WASL: variants seen among roughly 807,000 people sequenced by gnomAD.
WASL encodes actin nucleation-promoting factor WASL.
In WASL, 20 loss-of-function variants were observed where a neutral mutation model predicts 55.5. The observed-to-expected ratio is 0.36, with a 90% CI of 0.25 to 0.52. The LOEUF (loss-of-function observed/expected upper bound fraction) is 0.52, where lower values mean the gene tolerates loss of function less well. WASL is among the 20% of genes least tolerant of loss of function. The pLI is 0.92. For synonymous variants in WASL, 249 were observed against 217.6 expected, an observed-to-expected ratio of 1.14 and a Z score of -1.27; for missense variants, 504 against 622.5, an observed-to-expected ratio of 0.81 and a Z score of 2.03.
chr7:123,695,785 A>G (rs1236670202), intron 7 of WASL, 38 bp downstream of exon 7: 6 of 1,594,004 alleles, frequency 3.8e-6, no homozygotes, highest in Non-Finnish European at 5.1e-6. Flanking sequence ...ACATTTCCAC[A>G]TACAGTTATA....
intron 5 of WASL, among the ~76,000 whole-genome samples, chr7:123,702,198 G>A (rs1170033945): frequency 6.6e-6 from 1 of 152,002 alleles, no homozygotes; most frequent in Non-Finnish European, 1.5e-5. Context: ...TGGGATTACA[G>A]ACATGCGCCA....
chr7:123,696,272 C>T (rs1213018016), intron 6 of WASL, among the ~76,000 whole-genome samples: 5 of 151,884 alleles, frequency 3.3e-5, no homozygotes, highest in African/African-American at 1.2e-4. Flanking sequence ...TTTCTAAATG[C>T]TATTTTTAGA....
At position 123,692,785 on chromosome 7, in the gene WASL, AG is replaced by A. The variant is rs1382241180; in HGVS notation, c.908del (p.Pro303LeufsTer30). 7.0e-7 allele frequency: 1 copy of A among 1,436,338 alleles called. No individual in the cohort carries two copies. The highest frequency in any genetic ancestry group is 1.4e-5 in the African/African-American group (1 of 69,508). The allele number at this position is 1,436,338 out of a possible 1,614,324, so 89.0% of individuals were successfully genotyped here. ...GGGGAGGAGCGCCTCTTCCCCTAGCAGGAGGAGGAGGAGGACCTGAGTTGTG... is the reference window on the plus strand; with the variant it reads ...GGGGAGGAGCGCCTCTTCCCCTAGCAGAGGAGGAGGAGGACCTGAGTTGTG... ...PPHNSGPPPP[P>X]ARGRGAPPPP... is the part of the protein sequence containing the mutation. On this transcript the variant is annotated frameshift_variant, in exon 9 of 11. Transcript: ENST00000223023. LOFTEE classifies it high-confidence loss of function.
chr7:123,726,618 A>T (rs1052811521), intron 1 of WASL, among the ~76,000 whole-genome samples: 1 of 152,216 alleles, frequency 6.6e-6, no homozygotes, highest in Admixed American at 6.5e-5. Context: ...TAATCCCAGT[A>T]CTTTGGGAGG....
At chr7:123,731,169 T>TATAC (rs972232010) in intron 1 of WASL, among the ~76,000 whole-genome samples, 8 of 152,228 alleles carry the variant, frequency 5.3e-5, no homozygotes, top group South Asian at 4.1e-4. Context: ...CACACACATA[T>TATAC]ATACATACAT....
At position 123,739,870 on chromosome 7, in the gene WASL, TTA is replaced by T. The variant is rs1344013780; in HGVS notation, c.117+8746_117+8747del. On this transcript the variant is annotated intron_variant, in intron 1 of 10. Coordinates refer to ENST00000223023, the MANE Select transcript of WASL (RefSeq NM_003941.4). Reference sequence around the variant, plus strand: ...TCTATTATTCAAATCTTTTATACATTTATATATGTGTGTGTGTGTGTGTGTGT... The same window carrying T: ...TCTATTATTCAAATCTTTTATACATTTATATGTGTGTGTGTGTGTGTGTGT... 1.2e-3 allele frequency among the ~76,000 whole-genome samples: 150 copies of T among 124,128 alleles called. 1 individual carries two copies. Among genetic ancestry groups the T allele is most frequent in the Middle Eastern group, 0.012 (3 of 258 alleles). 81.4% of individuals were successfully genotyped at this position (124,128 alleles called of 152,430 possible). A position where few individuals can be genotyped will look rare whatever the true frequency, so the allele number is the denominator to read the frequency against.
chr7:123,740,813 T>C (rs1344433155), intron 1 of WASL, among the ~76,000 whole-genome samples: 1 of 152,158 alleles, frequency 6.6e-6, no homozygotes, highest in East Asian at 1.9e-4. Flanking sequence ...GGCAAACTAC[T>C]GGCCTCAAGT....
At chr7:123,748,561 C>CA in intron 1 of WASL, 57 bp downstream of exon 1, 1 of 1,584,082 alleles carries the variant, frequency 6.3e-7, no homozygotes, top group Non-Finnish European at 8.6e-7. Context: ...TCCCGGCCCC[C>CA]AAGCCCGGGC....
intron 1 of WASL, among the ~76,000 whole-genome samples, 199 bp downstream of exon 1, chr7:123,748,419 G>A (rs547492134): frequency 1.1e-4 from 17 of 152,028 alleles, no homozygotes; most frequent in African/African-American, 3.9e-4. Context: ...AGCAGCTCGG[G>A]AAGGCGGCGC....
Position 123,692,386 on chromosome 7 carries a change from T to C in WASL, c.1308A>G (p.Ala436=), listed in dbSNP as rs149081868. 725 of 1,614,052 alleles carry C rather than the reference T, an allele frequency of 4.5e-4. 3 individuals are homozygous for C. In the African/African-American group the frequency reaches 8.7e-3, roughly 19 times the overall value. ...TACCCTGTCGTATCTGGTCTAACAG[T>C]GCATCTCGTCCAGAGCAGGACACTG... ...SRPVSCSGRD[A]LLDQIRQGIQ... The change falls in exon 9 of 11, where the codon GCA becomes GCG. Residue 436 remains alanine, a synonymous_variant. Transcript: ENST00000223023.
chr7:123,684,566 C>G lies in WASL; in HGVS notation c.1471G>C (p.Glu491Gln), dbSNP rs1247773591. ...AIHSSDEDED[E>Q]DDEEDFEDDD... is the part of the protein sequence containing the mutation. ...TCCTCAAAATCTTCTTCATCATCTT[C>G]ATCTTCATCTTCATCTACAAGAAAA... The change falls in exon 11 of 11, where the codon GAA becomes CAA. Residue 491 changes from glutamate to glutamine, a missense_variant. By Grantham distance (29) the Glu-to-Gln change is conservative (BLOSUM62 2). This residue lies in a region of WASL where 53 missense variants were observed against 69.1 expected (regional missense o/e 0.77). Transcript: ENST00000223023. 6.9e-7 allele frequency: 1 copy of G among 1,450,976 alleles called. No individual in the cohort carries two copies. Among genetic ancestry groups the G allele is most frequent in the South Asian group, 1.3e-5 (1 of 79,442 alleles). 89.9% of individuals were successfully genotyped at this position (1,450,976 alleles called of 1,614,324 possible). A position where few individuals can be genotyped will look rare whatever the true frequency, so the allele number is the denominator to read the frequency against.
chr7:123,733,255 A>G (rs547164784), intron 1 of WASL, among the ~76,000 whole-genome samples: 2 of 152,332 alleles, frequency 1.3e-5, no homozygotes, highest in East Asian at 3.9e-4. Context: ...AGAAAATCCT[A>G]AAGAATCAAA....
intron 1 of WASL, among the ~76,000 whole-genome samples, chr7:123,724,059 G>A (rs1340892609): frequency 6.6e-6 from 1 of 152,124 alleles, no homozygotes; most frequent in Non-Finnish European, 1.5e-5. Flanking sequence ...CTGAAGTATT[G>A]TAATAGCTCC....
intron 1 of WASL, among the ~76,000 whole-genome samples, chr7:123,738,258 A>T (rs2116823764): frequency 6.6e-6 from 1 of 152,234 alleles, no homozygotes; most frequent in East Asian, 1.9e-4. Flanking sequence ...ATATATATTT[A>T]TATATATTAA....
intron 10 of WASL, among the ~76,000 whole-genome samples, chr7:123,685,258 G>C (rs1377383427): frequency 3.3e-5 from 5 of 151,850 alleles, no homozygotes. Flanking sequence ...ACTGCTATTT[G>C]AATGAAATCT....
At chr7:123,710,926 C>T (rs1380310382) in intron 1 of WASL, among the ~76,000 whole-genome samples, 1 of 152,058 alleles carries the variant, frequency 6.6e-6, no homozygotes, top group Non-Finnish European at 1.5e-5. Flanking sequence ...TCTAAAGGTA[C>T]CAAATACCAG....
intron 1 of WASL, among the ~76,000 whole-genome samples, chr7:123,724,367 A>C (rs551132616): frequency 6.6e-6 from 1 of 152,256 alleles, no homozygotes; most frequent in South Asian, 2.1e-4. Context: ...AATGTTGAAA[A>C]CTTTTCAAAC....
chr7:123,709,933 A>G (rs1405726678), intron 1 of WASL, among the ~76,000 whole-genome samples: 1 of 152,160 alleles, frequency 6.6e-6, no homozygotes, highest in African/African-American at 2.4e-5. Context: ...CAATTTTACC[A>G]AGGATAGTCC....
At chr7:123,708,765 T>C (rs534759026) in intron 2 of WASL, among the ~76,000 whole-genome samples, 17 of 150,624 alleles carry the variant, frequency 1.1e-4, no homozygotes, top group Non-Finnish European at 2.2e-4. Flanking sequence ...ATGAACCAGG[T>C]GGAATAAAAG....
Sources: allele counts gnomAD v4.1 joint callset (sites outside exome capture counted in the v4.1 genomes callset), GRCh38; gene constraint gnomAD v4.1.1; regional missense constraint gnomAD v4.1.1; transcripts MANE v1.5; gene names NCBI Gene and HGNC (gene_info 2026-07-23, HGNC 2026-07-21).